Variants in EFNA5 observed in about 807,000 individuals in gnomAD.
The protein encoded by EFNA5 is ephrin A5.
Under a neutral mutation model 22.9 loss-of-function variants are expected in EFNA5, and 5 were observed. The ratio of observed to expected loss-of-function variants is 0.22; its 90% CI spans 0.11 to 0.46. The LOEUF (loss-of-function observed/expected upper bound fraction) is 0.46. Among genes scored for constraint, EFNA5 ranks in the 20% least tolerant of loss-of-function variants. The probability of loss-of-function intolerance (pLI) is 0.99; values close to 1 mark genes in which losing one functional copy is unlikely to be tolerated. For synonymous variants in EFNA5, 113 were observed against 112.2 expected (o/e 1.01, Z -0.04); for missense variants, 237 against 293.3 (o/e 0.81, Z 1.40).
At chr5:107,663,896 T>C (rs1294955328) in intron 1 of EFNA5, among the ~76,000 whole-genome samples, 4 of 152,164 alleles carry the variant, frequency 2.6e-5, no homozygotes, top group African/African-American at 9.6e-5. Flanking sequence ...ACCTGTCAAC[T>C]GTCAATTGTA....
intron 1 of EFNA5, among the ~76,000 whole-genome samples, chr5:107,656,862 C>G (rs1041472995): frequency 6.6e-6 from 1 of 151,942 alleles, no homozygotes; most frequent in Non-Finnish European, 1.5e-5. Flanking sequence ...TGAAATAAAA[C>G]CAAAAAATTT....
chr5:107,417,320 G>C lies in EFNA5; in HGVS notation c.418+9897C>G, dbSNP rs143430489. Among the ~76,000 whole-genome samples the C allele has an allele frequency of 2.5e-3, 376 of 152,178 alleles. 4 individuals are homozygous for C. Among genetic ancestry groups the C allele is most frequent in the African/African-American group, 8.7e-3 (363 of 41,526 alleles). On this transcript the variant is annotated intron_variant, in intron 2 of 4. Transcript: ENST00000333274. ...CAATTCATGATATTTTACTTTTGAG[G>C]CTCAGAATGAATTAATTTTTTTGTG...
chr5:107,485,898 G>T (rs1746605733), intron 1 of EFNA5, among the ~76,000 whole-genome samples: 1 of 151,958 alleles, frequency 6.6e-6, no homozygotes, highest in Non-Finnish European at 1.5e-5. Context: ...TTTCAACAGG[G>T]GATGACAATT....
chr5:107,600,798 C>A (rs1419964729), intron 1 of EFNA5, among the ~76,000 whole-genome samples: 3 of 152,142 alleles, frequency 2.0e-5, no homozygotes, highest in Non-Finnish European at 2.9e-5. Flanking sequence ...AAAAATGTTT[C>A]TCTCTTAATA....
At chr5:107,546,690 TCA>T (rs1288219579) in intron 1 of EFNA5, among the ~76,000 whole-genome samples, 4 of 106,858 alleles carry the variant, frequency 3.7e-5, no homozygotes, top group African/African-American at 1.4e-4. Context: ...ACACACACTC[TCA>T]CCCCTGGTGT....
At chr5:107,430,555 T>C (rs1333206468) in intron 1 of EFNA5, among the ~76,000 whole-genome samples, 1 of 152,084 alleles carries the variant, frequency 6.6e-6, no homozygotes, top group Admixed American at 6.5e-5. Flanking sequence ...AATGTCAGTT[T>C]CTTCATGCCT....
intron 1 of EFNA5, among the ~76,000 whole-genome samples, chr5:107,663,087 G>A (rs1240488787): frequency 6.6e-6 from 1 of 151,972 alleles, no homozygotes; most frequent in African/African-American, 2.4e-5. Context: ...AAATAAGATA[G>A]CGCTTTAAAT....
At chr5:107,514,682 AAAG>A (rs1203134597) in intron 1 of EFNA5, among the ~76,000 whole-genome samples, 3 of 152,152 alleles carry the variant, frequency 2.0e-5, no homozygotes, top group Admixed American at 1.3e-4. Flanking sequence ...ATTATTCTTC[AAAG>A]GAGGAGAAAC....
At chr5:107,546,155 T>C (rs1189120650) in intron 1 of EFNA5, among the ~76,000 whole-genome samples, 2 of 152,164 alleles carry the variant, frequency 1.3e-5, no homozygotes, top group African/African-American at 2.4e-5. Flanking sequence ...CAGAAAAAGG[T>C]AGCTTTCCTT....
chr5:107,655,554 G>A (rs73200647), intron 1 of EFNA5, among the ~76,000 whole-genome samples: 20,544 of 152,028 alleles, frequency 0.14, 1,385 homozygotes, highest in Admixed American at 0.14. Context: ...TGGGTACAGC[G>A]CATAAGGATC....
chr5:107,535,343 G>A (rs1279998113), intron 1 of EFNA5, among the ~76,000 whole-genome samples: 1 of 152,224 alleles, frequency 6.6e-6, no homozygotes, highest in Non-Finnish European at 1.5e-5. Context: ...CAATTTGCCA[G>A]TAGTAGCAGA....
intron 1 of EFNA5, among the ~76,000 whole-genome samples, chr5:107,548,196 CA>C (rs1656969323): frequency 6.6e-6 from 1 of 152,188 alleles, no homozygotes; most frequent in South Asian, 2.1e-4. Context: ...AATTAAACTT[CA>C]GAATCCAATT....
chr5:107,568,189 G>C (rs986456055), intron 1 of EFNA5, among the ~76,000 whole-genome samples: 1 of 152,162 alleles, frequency 6.6e-6, no homozygotes, highest in Admixed American at 6.5e-5. Flanking sequence ...GAGCCACTGT[G>C]CCTGGCCTAT....
chr5:107,432,023 G>T (rs1748976500), intron 1 of EFNA5, among the ~76,000 whole-genome samples: 1 of 152,148 alleles, frequency 6.6e-6, no homozygotes, highest in Non-Finnish European at 1.5e-5. Context: ...ACCAGCTGTA[G>T]TAACGACCCT....
chr5:107,571,860 C>T (rs1748815599), intron 1 of EFNA5, among the ~76,000 whole-genome samples: 1 of 152,134 alleles, frequency 6.6e-6, no homozygotes, highest in African/African-American at 2.4e-5. Context: ...AATGAACACA[C>T]TTGGTCCTGT....
intron 1 of EFNA5, among the ~76,000 whole-genome samples, chr5:107,527,639 A>G (rs192229124): frequency 6.6e-6 from 1 of 152,308 alleles, no homozygotes; most frequent in Admixed American, 6.5e-5. Context: ...GGAATGGGAT[A>G]AGAGAAAATA....
intron 1 of EFNA5, among the ~76,000 whole-genome samples, chr5:107,440,880 C>T (rs147999542): frequency 4.2e-4 from 64 of 152,106 alleles, no homozygotes; most frequent in African/African-American, 1.3e-3. Context: ...TAATATAGCA[C>T]GTCAATTGAT....
intron 2 of EFNA5, among the ~76,000 whole-genome samples, chr5:107,419,623 A>G (rs2112412163): frequency 6.6e-6 from 1 of 152,234 alleles, no homozygotes; most frequent in South Asian, 2.1e-4. Flanking sequence ...GAAAACGTTA[A>G]AATTTGTCGG....
At chr5:107,549,347 G>A (rs953706175) in intron 1 of EFNA5, among the ~76,000 whole-genome samples, 1 of 152,176 alleles carries the variant, frequency 6.6e-6, no homozygotes, top group African/African-American at 2.4e-5. Flanking sequence ...TTAACACAAA[G>A]CAGACATTAT....
Sources: gnomAD v4.1 joint callset for allele counts (sites outside exome capture counted in the v4.1 genomes callset) on GRCh38, gnomAD v4.1.1 for gene constraint, MANE v1.5 for transcripts, NCBI Gene and HGNC (gene_info 2026-07-23, HGNC 2026-07-21) for gene names.